ZRANB3: variants seen among roughly 807,000 people sequenced by gnomAD.
The protein encoded by ZRANB3 is zinc finger RANBP2-type containing 3, also known as DNA annealing helicase and endonuclease ZRANB3.
Under a neutral mutation model 133.8 loss-of-function variants are expected in ZRANB3, and 125 were observed. The observed-to-expected ratio is 0.93, with a 90% CI of 0.81 to 1.08. The LOEUF is 1.08. Among genes scored for constraint, ZRANB3 ranks in the 50% least tolerant of loss-of-function variants. The pLI is 0.00. For missense variants in ZRANB3, 1,229 were observed against 1,275.5 expected, an observed-to-expected ratio of 0.96 and a Z score of 0.56; for synonymous variants, 387 against 432.7, an observed-to-expected ratio of 0.89 and a Z score of 1.31.
At chr2:135,401,129 G>A (rs148580441) in intron 2 of ZRANB3, among the ~76,000 whole-genome samples, 181 of 152,186 alleles carry the variant, frequency 1.2e-3, no homozygotes, top group Admixed American at 2.6e-3. Context: ...TACAATAGTC[G>A]GACTTAGGGT....
chr2:135,425,243 GA>G, intron 2 of ZRANB3, among the ~76,000 whole-genome samples: 1 of 151,990 alleles, frequency 6.6e-6, no homozygotes, highest in Non-Finnish European at 1.5e-5. Context: ...ATGAGGTAAA[GA>G]AAAAAACAAA....
intron 20 of ZRANB3, among the ~76,000 whole-genome samples, chr2:135,201,066 C>T (rs766234554): frequency 1.3e-5 from 2 of 152,138 alleles, no homozygotes; most frequent in South Asian, 4.1e-4. Flanking sequence ...AGAAAATCTA[C>T]CCACTTCCTA....
chr2:135,401,846 T>C (rs1687746836), intron 2 of ZRANB3, among the ~76,000 whole-genome samples: 1 of 152,118 alleles, frequency 6.6e-6, no homozygotes. Flanking sequence ...TTCCTCATCA[T>C]TAAAAAAGGA....
At position 135,246,964 on chromosome 2, in the gene ZRANB3, G is replaced by GA. The variant is rs1237425831; in HGVS notation, c.1540-16038dup. ...CAGTTATTAGAACTGAAGGAGAGGG[G>GA]AAAAAAATCTAGTAAAACTCATAAA... On this transcript the variant is annotated intron_variant, in intron 12 of 20. Coordinates refer to ENST00000264159, the MANE Select transcript of ZRANB3 (RefSeq NM_032143.4). Among the ~76,000 whole-genome samples, 4 of 152,160 alleles carry GA rather than the reference G, an allele frequency of 2.6e-5. No homozygotes were observed. The South Asian group carries it at 8.3e-4, about 32-fold the overall frequency.
intron 19 of ZRANB3, among the ~76,000 whole-genome samples, chr2:135,205,695 T>C (rs985223097): frequency 1.3e-5 from 2 of 152,196 alleles, no homozygotes; most frequent in Non-Finnish European, 2.9e-5. Flanking sequence ...AGAAATCCAG[T>C]TGAATTTTGG....
chr2:135,213,754 G>A lies in ZRANB3; in HGVS notation c.2495+3711C>T, dbSNP rs577634629. Among the ~76,000 whole-genome samples the A allele has an allele frequency of 5.3e-5, 8 of 152,138 alleles. No individual in the cohort carries two copies. The East Asian group carries it at 1.2e-3, about 22-fold the overall frequency. Reference sequence around the variant, plus strand: ...TACCCTCTAGGATTCCTGTCCCTCCGTTATTTAATCAATCACTAATTTAGA... The same window carrying A: ...TACCCTCTAGGATTCCTGTCCCTCCATTATTTAATCAATCACTAATTTAGA... On this transcript the variant is annotated intron_variant, in intron 17 of 20. Transcript: ENST00000264159.
chr2:135,322,719 T>TA (rs1167271650), intron 6 of ZRANB3, among the ~76,000 whole-genome samples: 4 of 151,742 alleles, frequency 2.6e-5, no homozygotes, highest in Non-Finnish European at 1.5e-5. Context: ...TCATGTCTCT[T>TA]AAAAAAATTT....
intron 6 of ZRANB3, among the ~76,000 whole-genome samples, chr2:135,335,505 C>T (rs1684329624): frequency 6.6e-6 from 1 of 151,966 alleles, no homozygotes; most frequent in South Asian, 2.1e-4. Context: ...ACAGCTTGGC[C>T]AACATGGTGA....
chr2:135,364,603 G>T (rs903752512), intron 3 of ZRANB3, among the ~76,000 whole-genome samples: 3 of 150,038 alleles, frequency 2.0e-5, no homozygotes, highest in African/African-American at 7.4e-5. Flanking sequence ...CAAAAATTAG[G>T]CCAGGTGTGG....
intron 2 of ZRANB3, among the ~76,000 whole-genome samples, chr2:135,477,747 C>A: frequency 6.6e-6 from 1 of 152,038 alleles, no homozygotes; most frequent in Non-Finnish European, 1.5e-5. Flanking sequence ...TAATCTCAGC[C>A]CTTTGGGAGG....
At chr2:135,313,393 T>G in intron 8 of ZRANB3, 96 bp downstream of exon 8, 1 of 724,954 alleles carries the variant, frequency 1.4e-6, no homozygotes, top group South Asian at 2.7e-5. Flanking sequence ...AGCAAAGAAA[T>G]TCTGCAATAT....
intron 6 of ZRANB3, among the ~76,000 whole-genome samples, chr2:135,325,589 G>A (rs1384120485): frequency 6.6e-6 from 1 of 152,058 alleles, no homozygotes; most frequent in Non-Finnish European, 1.5e-5. Flanking sequence ...TAGAGATGGG[G>A]TTTCACCATG....
chr2:135,397,989 T>C (rs1358768529), intron 2 of ZRANB3, among the ~76,000 whole-genome samples: 1 of 152,194 alleles, frequency 6.6e-6, no homozygotes, highest in African/African-American at 2.4e-5. Flanking sequence ...CTTTGGAGAA[T>C]TGCAGCAATA....
At chr2:135,392,516 G>A (rs1305821936) in intron 2 of ZRANB3, among the ~76,000 whole-genome samples, 2 of 152,238 alleles carry the variant, frequency 1.3e-5, no homozygotes, top group South Asian at 2.1e-4. Flanking sequence ...TTGGGAAGCC[G>A]AGGTGACTGG....
intron 2 of ZRANB3, among the ~76,000 whole-genome samples, chr2:135,412,518 A>C: frequency 6.6e-6 from 1 of 152,254 alleles, no homozygotes; most frequent in East Asian, 1.9e-4. Context: ...ACTACAAAAT[A>C]TTCTAATGAA....
intron 2 of ZRANB3, among the ~76,000 whole-genome samples, chr2:135,479,155 C>T (rs1228128029): frequency 2.6e-5 from 4 of 151,448 alleles, no homozygotes; most frequent in Admixed American, 2.0e-4. Context: ...TATGTAGTGG[C>T]ATTCCAATTT....
intron 3 of ZRANB3, among the ~76,000 whole-genome samples, chr2:135,355,709 C>T (rs1273958519): frequency 1.3e-5 from 2 of 152,118 alleles, no homozygotes; most frequent in Admixed American, 6.6e-5. Flanking sequence ...CACTTCCCCG[C>T]CTCAACAACT....
intron 2 of ZRANB3, among the ~76,000 whole-genome samples, chr2:135,436,302 T>A (rs1319970478): frequency 1.3e-5 from 2 of 152,184 alleles, no homozygotes; most frequent in Non-Finnish European, 2.9e-5. Flanking sequence ...ATTTATGAGC[T>A]CACTATTCTG....
chr2:135,440,259 C>G (rs973407474), intron 2 of ZRANB3, among the ~76,000 whole-genome samples: 3 of 152,048 alleles, frequency 2.0e-5, no homozygotes, highest in Non-Finnish European at 4.4e-5. Flanking sequence ...ATAAATATGT[C>G]TATTTTACCA....
Sources: allele counts gnomAD v4.1 joint callset (sites outside exome capture counted in the v4.1 genomes callset), GRCh38; gene constraint gnomAD v4.1.1; transcripts MANE v1.5; gene names NCBI Gene and HGNC (gene_info 2026-07-23, HGNC 2026-07-21).